Variants in RIMS2 observed in about 807,000 individuals in gnomAD.
RIMS2 encodes regulating synaptic membrane exocytosis protein 2.
RIMS2 carries 59 observed loss-of-function variants against 174.4 expected under a neutral mutation model. The observed-to-expected ratio is 0.34, with a 90% CI of 0.27 to 0.42. The LOEUF (loss-of-function observed/expected upper bound fraction) is 0.42, where lower values mean the gene tolerates loss of function less well. RIMS2 is among the 10% of genes least tolerant of loss of function. The pLI is 1.00. For synonymous variants in RIMS2, 606 were observed against 572.5 expected (o/e 1.06, Z -0.84); for missense variants, 1,620 against 1,666.3 (o/e 0.97, Z 0.48).
intron 19 of RIMS2, among the ~76,000 whole-genome samples, chr8:104,103,029 A>G (rs2097937406): frequency 6.6e-6 from 1 of 152,270 alleles, no homozygotes; most frequent in Non-Finnish European, 1.5e-5. Flanking sequence ...GTATATCCAT[A>G]CAATGGAATA....
chr8:104,058,268 G>C (rs1349728478), intron 19 of RIMS2, among the ~76,000 whole-genome samples: 7 of 148,798 alleles, frequency 4.7e-5, no homozygotes, highest in South Asian at 4.4e-4. Context: ...ATTCTAACTG[G>C]TGTGAGATGG....
At chr8:103,794,999 A>G (rs183896500) in intron 3 of RIMS2, among the ~76,000 whole-genome samples, 136 of 152,350 alleles carry the variant, frequency 8.9e-4, no homozygotes, top group Admixed American at 2.4e-3. Flanking sequence ...ACTGTAAACT[A>G]GTTCAACCAT....
At chr8:103,647,154 A>T (rs1432160758) in intron 1 of RIMS2, among the ~76,000 whole-genome samples, 2 of 152,086 alleles carry the variant, frequency 1.3e-5, no homozygotes, top group Non-Finnish European at 2.9e-5. Context: ...TGTACATTGA[A>T]CCAACCTTTT....
At chr8:103,801,568 A>G (rs989344191) in intron 3 of RIMS2, among the ~76,000 whole-genome samples, 1 of 152,146 alleles carries the variant, frequency 6.6e-6, no homozygotes, top group African/African-American at 2.4e-5. Flanking sequence ...TTTAATTCCA[A>G]TTTCAACTAA....
At chr8:104,183,903 T>C (rs559142261) in intron 19 of RIMS2, among the ~76,000 whole-genome samples, 49 of 151,772 alleles carry the variant, frequency 3.2e-4, no homozygotes, top group Middle Eastern at 3.4e-3. Flanking sequence ...AGTTTAAAAC[T>C]GTGAAAGCAA....
intron 19 of RIMS2, among the ~76,000 whole-genome samples, chr8:104,081,225 A>G (rs71520866): frequency 0.15 from 22,562 of 151,954 alleles, 2,087 homozygotes; most frequent in South Asian, 0.32. Context: ...TCACATAAGA[A>G]CATGTTACTT....
At chr8:104,120,601 T>C (rs969404656) in intron 19 of RIMS2, among the ~76,000 whole-genome samples, 1 of 152,176 alleles carries the variant, frequency 6.6e-6, no homozygotes, top group Non-Finnish European at 1.5e-5. Flanking sequence ...TTTTATTCAT[T>C]ATTTTGGTTC....
intron 13 of RIMS2, among the ~76,000 whole-genome samples, chr8:103,938,779 T>C (rs1168652834): frequency 6.6e-6 from 1 of 152,184 alleles, no homozygotes; most frequent in Non-Finnish European, 1.5e-5. Context: ...GGTACACGCA[T>C]TGGGTAAATA....
At chr8:104,151,443 C>A (rs2134102737) in intron 19 of RIMS2, among the ~76,000 whole-genome samples, 1 of 152,212 alleles carries the variant, frequency 6.6e-6, no homozygotes, top group South Asian at 2.1e-4. Context: ...ATGACTTATG[C>A]CTGTAGTCCC....
intron 1 of RIMS2, among the ~76,000 whole-genome samples, chr8:103,536,719 C>T (rs1839928744): frequency 6.6e-6 from 1 of 152,078 alleles, no homozygotes; most frequent in Non-Finnish European, 1.5e-5. Context: ...GAGAACAGCA[C>T]CAGGAAGTGG....
intron 19 of RIMS2, among the ~76,000 whole-genome samples, chr8:104,243,867 C>T (rs1384747238): frequency 6.6e-6 from 1 of 152,166 alleles, no homozygotes; most frequent in Non-Finnish European, 1.5e-5. Flanking sequence ...CTTCACATCT[C>T]AACACTCATA....
At chr8:103,630,166 G>A (rs1346587153) in intron 1 of RIMS2, among the ~76,000 whole-genome samples, 1 of 149,140 alleles carries the variant, frequency 6.7e-6, no homozygotes, top group Non-Finnish European at 1.5e-5. Context: ...AAAAAATCTT[G>A]AAAGCAGCTA....
At chr8:103,774,426 T>C (rs919530490) in intron 3 of RIMS2, among the ~76,000 whole-genome samples, 1 of 152,208 alleles carries the variant, frequency 6.6e-6, no homozygotes, top group Non-Finnish European at 1.5e-5. Flanking sequence ...AAACTTCCCA[T>C]ATGTCCATCA....
At chr8:103,948,161 G>C (rs773417035) in intron 14 of RIMS2, among the ~76,000 whole-genome samples, 1 of 152,122 alleles carries the variant, frequency 6.6e-6, no homozygotes, top group Non-Finnish European at 1.5e-5. Flanking sequence ...CCACTAGAAT[G>C]AATGTAATAA....
exon 16 of RIMS2, chr8:103,975,486 C>G: frequency 6.2e-7 from 1 of 1,613,044 alleles, no homozygotes; most frequent in Non-Finnish European, 8.5e-7. Flanking sequence ...CATGGTCACC[C>G]AGTGTCCCTC....
chr8:104,180,541 G>A (rs1481519672), intron 19 of RIMS2, among the ~76,000 whole-genome samples: 3 of 151,306 alleles, frequency 2.0e-5, no homozygotes, highest in Non-Finnish European at 3.0e-5. Context: ...CTAAAAACAG[G>A]AAGGAGGAGA....
chr8:103,544,028 A>G (rs1843738788), intron 1 of RIMS2, among the ~76,000 whole-genome samples: 1 of 152,254 alleles, frequency 6.6e-6, no homozygotes. Flanking sequence ...CAGAGTGAAG[A>G]GGCAACCTAC....
intron 1 of RIMS2, among the ~76,000 whole-genome samples, chr8:103,646,220 G>T (rs2096328851): frequency 6.6e-6 from 1 of 152,148 alleles, no homozygotes; most frequent in African/African-American, 2.4e-5. Flanking sequence ...TGTAGGAGCA[G>T]GCCACAGGGG....
chr8:104,194,803 T>C (rs1390562846), intron 19 of RIMS2, among the ~76,000 whole-genome samples: 1 of 152,188 alleles, frequency 6.6e-6, no homozygotes, highest in African/African-American at 2.4e-5. Context: ...GAAAGATACC[T>C]GAACATATTA....
Sources: gnomAD v4.1 joint callset for allele counts (sites outside exome capture counted in the v4.1 genomes callset) on GRCh38, gnomAD v4.1.1 for gene constraint, MANE v1.5 for transcripts, NCBI Gene and HGNC (gene_info 2026-07-23, HGNC 2026-07-21) for gene names.